The following KCNU1 variants were observed in gnomAD, a reference collection of about 807,000 sequenced individuals.
KCNU1 encodes potassium channel subfamily U member 1.
Under a neutral mutation model 126.8 loss-of-function variants are expected in KCNU1, and 93 were observed. The ratio of observed to expected loss-of-function variants is 0.73; its 90% CI spans 0.62 to 0.87. The LOEUF (loss-of-function observed/expected upper bound fraction) is 0.87, where lower values mean the gene tolerates loss of function less well. KCNU1 is among the 40% of genes least tolerant of loss of function. The pLI is 0.00. For missense variants in KCNU1, 1,330 were observed against 1,367.1 expected (o/e 0.97, Z 0.43); for synonymous variants, 523 against 494.2 (o/e 1.06, Z -0.77).
intron 23 of KCNU1, among the ~76,000 whole-genome samples, chr8:36,922,078 A>AT (rs1808369700): frequency 6.6e-6 from 1 of 152,200 alleles, no homozygotes; most frequent in African/African-American, 2.4e-5. Context: ...ATCTCATAGT[A>AT]TTTTGAGAAA....
chr8:36,850,457 T>A (rs1805301087), intron 18 of KCNU1, among the ~76,000 whole-genome samples: 1 of 149,242 alleles, frequency 6.7e-6, no homozygotes, highest in East Asian at 2.0e-4. Flanking sequence ...TCGGTGATCT[T>A]TTTTTTTTTT....
At chr8:36,897,243 T>TCTCTCTCTCTCC (rs1459744533) in intron 19 of KCNU1, among the ~76,000 whole-genome samples, 18 of 151,804 alleles carry the variant, frequency 1.2e-4, no homozygotes, top group Non-Finnish European at 2.7e-4. Flanking sequence ...ATAGAATCAT[T>TCTCTCTCTCTCC]CTCTCTCTCT....
At chr8:36,886,239 C>A (rs553470272) in intron 19 of KCNU1, among the ~76,000 whole-genome samples, 17 of 152,286 alleles carry the variant, frequency 1.1e-4, no homozygotes, top group African/African-American at 4.1e-4. Flanking sequence ...ACAAACAGTG[C>A]AATTCCTAGC....
rs1357657998 is a variant in KCNU1 at position 36,787,443 on chromosome 8, G to A, written c.315+18G>A. On this transcript the variant is annotated intron_variant, in intron 2 of 26. Transcript: ENST00000399881. The stretch of plus-strand genomic sequence containing the variant: ...AAGTGTTGGTAAGTACATTTTCAGT[G>A]TTAGCTTGCTAACAAACTTTAGCCA... The A allele has an allele frequency of 1.9e-6, 3 of 1,592,172 alleles. No individual in the cohort carries two copies. The highest frequency in any genetic ancestry group is 2.6e-6 in the Non-Finnish European group (3 of 1,167,906).
At position 36,833,606 on chromosome 8, in the gene KCNU1, A is replaced by G. The variant is rs1804639847; in HGVS notation, c.1159A>G (p.Thr387Ala). 1 of 1,612,636 alleles carries G rather than the reference A, an allele frequency of 6.2e-7. No individual in the cohort carries two copies. ...ETIFKCYLAY[T>A]TFISGSAMKW... ...CATATTTAAATGCTACTTGGCCTAC[A>G]CAACGTTCATTTCTGGATCTGCAAT... The change falls in exon 11 of 27, where the codon ACA becomes GCA. Residue 387 changes from threonine (T) to alanine (A), a missense_variant. Around this residue, in one of 3 missense-constraint regions of KCNU1, gnomAD observed 1,054 missense variants for 1,053.9 expected, o/e 1.00. Coordinates refer to ENST00000399881, the MANE Select transcript of KCNU1 (RefSeq NM_001031836.3).
At chr8:36,930,602 G>A (rs754695073) in intron 24 of KCNU1, among the ~76,000 whole-genome samples, 29 of 152,026 alleles carry the variant, frequency 1.9e-4, no homozygotes, top group Non-Finnish European at 8.8e-5. Flanking sequence ...AATATACATC[G>A]ATGATGATTA....
chr8:36,915,330 G>A (rs750916179), intron 22 of KCNU1, among the ~76,000 whole-genome samples: 6 of 152,222 alleles, frequency 3.9e-5, no homozygotes, highest in Non-Finnish European at 8.8e-5. Context: ...AGTTGGTGCT[G>A]ATCAGGCTGT....
At chr8:36,844,401 G>A (rs1322407419) in intron 16 of KCNU1, among the ~76,000 whole-genome samples, 2 of 150,488 alleles carry the variant, frequency 1.3e-5, no homozygotes, top group African/African-American at 2.5e-5. Flanking sequence ...AAAAAAAAAA[G>A]GCTATGTAAG....
chr8:36,835,015 C>T, intron 12 of KCNU1, 147 bp downstream of exon 12: 1 of 599,958 alleles, frequency 1.7e-6, no homozygotes, highest in Non-Finnish European at 2.9e-6. Flanking sequence ...TACTTTTTGC[C>T]TGCTCCCCAA....
intron 19 of KCNU1, among the ~76,000 whole-genome samples, chr8:36,905,277 AG>A (rs1354989080): frequency 1.3e-5 from 2 of 152,122 alleles, no homozygotes; most frequent in African/African-American, 4.8e-5. Flanking sequence ...CATGGAAAGG[AG>A]ACAGGAGGAA....
chr8:36,919,820 C>T (rs1226815735), intron 23 of KCNU1, among the ~76,000 whole-genome samples: 1 of 152,164 alleles, frequency 6.6e-6, no homozygotes, highest in Non-Finnish European at 1.5e-5. Flanking sequence ...TGGGATTTAT[C>T]CCAAATTAGG....
chr8:36,922,372 C>A, intron 23 of KCNU1, 118 bp from the exon 24 acceptor site: 4 of 1,090,930 alleles, frequency 3.7e-6, no homozygotes, highest in Admixed American at 5.0e-5. Context: ...CCCACAGAGA[C>A]CCCAAAGTAG....
intron 18 of KCNU1, among the ~76,000 whole-genome samples, chr8:36,851,373 TTCTCTCTCTCTCTATC>T (rs1246149651): frequency 1.2e-4 from 17 of 140,380 alleles, no homozygotes; most frequent in Non-Finnish European, 2.5e-4. Flanking sequence ...GGCACTTCCC[TTCTCTCTCTCTCTATC>T]TCTCTCTCTC....
chr8:36,905,607 T>C, intron 19 of KCNU1, 101 bp from the exon 20 acceptor site: 2 of 751,734 alleles, frequency 2.7e-6, no homozygotes, highest in East Asian at 5.0e-5. Flanking sequence ...CTTATGCTAT[T>C]CTCCTCTTTG....
At chr8:36,808,223 A>G (rs1803577691) in intron 6 of KCNU1, among the ~76,000 whole-genome samples, 1 of 152,102 alleles carries the variant, frequency 6.6e-6, no homozygotes, top group Non-Finnish European at 1.5e-5. Flanking sequence ...ATCTTTCTTC[A>G]CTTAAAGACC....
At chr8:36,825,440 A>T (rs759989317) in intron 10 of KCNU1, among the ~76,000 whole-genome samples, 28 of 152,212 alleles carry the variant, frequency 1.8e-4, no homozygotes, top group Non-Finnish European at 4.1e-4. Flanking sequence ...GTTTTATGAC[A>T]AATTTCATTA....
In KCNU1 at chr8:36,922,695, T is replaced by G. The variant is rs572329906; in HGVS notation, c.2736+66T>G. On this transcript the variant is annotated intron_variant, in intron 24 of 26. Transcript: ENST00000399881. ...TCTGCAGAGAAGTGAACAGGTAGTA[T>G]AAGGCTGAGTAGATGATAACACCTC... is the stretch of plus-strand genomic sequence containing the variant. 1.7e-5 allele frequency: 26 copies of G among 1,496,290 alleles called. No individual in the cohort carries two copies. In the East Asian group the frequency reaches 5.5e-4, roughly 31 times the overall value. The allele number at this position is 1,496,290 out of a possible 1,614,324, so 92.7% of individuals were successfully genotyped here.
In KCNU1 at chr8:36,879,974, G is replaced by A. The variant is rs184415645; in HGVS notation, c.2009+15453G>A. Among the ~76,000 whole-genome samples, 16 of 152,314 alleles carry A rather than the reference G, an allele frequency of 1.1e-4. No homozygotes were observed. The South Asian group carries it at 1.7e-3, about 16-fold the overall frequency. On this transcript the variant is annotated intron_variant, in intron 19 of 26. Coordinates refer to ENST00000399881, the MANE Select transcript of KCNU1 (RefSeq NM_001031836.3). ...AACAATAAATGCTAAGCACTCCAGC[G>A]TACAGCAACTCTGGCAGGATGTACT...
At chr8:36,913,703 G>A (rs1338255555) in intron 22 of KCNU1, among the ~76,000 whole-genome samples, 1 of 150,912 alleles carries the variant, frequency 6.6e-6, no homozygotes, top group African/African-American at 2.4e-5. Context: ...CCAGGTTCAT[G>A]CCATTCTTCT....
Sources: allele counts gnomAD v4.1 joint callset (sites outside exome capture counted in the v4.1 genomes callset), GRCh38; gene constraint gnomAD v4.1.1; regional missense constraint gnomAD v4.1.1; transcripts MANE v1.5; gene names NCBI Gene and HGNC (gene_info 2026-07-23, HGNC 2026-07-21).